Variants in SPOCK1 observed in about 807,000 individuals in gnomAD.
SPOCK1 encodes testican-1.
In SPOCK1, 23 loss-of-function variants were observed where a neutral mutation model predicts 55.3. That is an observed-to-expected ratio of 0.42 (90% CI 0.30 to 0.59). The LOEUF (loss-of-function observed/expected upper bound fraction) is 0.59. Among genes scored for constraint, SPOCK1 ranks in the 20% least tolerant of loss-of-function variants. The probability of loss-of-function intolerance (pLI) is 0.22; values close to 1 mark genes in which losing one functional copy is unlikely to be tolerated. For missense variants in SPOCK1, 499 were observed against 552.5 expected (o/e 0.90, Z 0.97); for synonymous variants, 226 against 221.0 (o/e 1.02, Z -0.20).
At chr5:137,132,685 A>G (rs191651477) in intron 4 of SPOCK1, among the ~76,000 whole-genome samples, 16 of 152,290 alleles carry the variant, frequency 1.1e-4, no homozygotes, top group Admixed American at 1.3e-4. Context: ...ACCATAAAAC[A>G]TTCTCCATCT....
chr5:137,171,743 G>A (rs917659305), intron 3 of SPOCK1, among the ~76,000 whole-genome samples: 1 of 152,262 alleles, frequency 6.6e-6, no homozygotes, highest in East Asian at 1.9e-4. Context: ...TGCAGAACTC[G>A]TTTCCTATGA....
At chr5:137,489,896 A>C (rs1164196586) in intron 2 of SPOCK1, among the ~76,000 whole-genome samples, 1 of 152,240 alleles carries the variant, frequency 6.6e-6, no homozygotes, top group African/African-American at 2.4e-5. Flanking sequence ...CCAGGGAAGC[A>C]GTCCCCAGCC....
At chr5:137,035,696 G>A (rs931629042) in intron 6 of SPOCK1, among the ~76,000 whole-genome samples, 3 of 152,184 alleles carry the variant, frequency 2.0e-5, no homozygotes, top group Non-Finnish European at 4.4e-5. Context: ...ATCATAGCCA[G>A]CCTTTGCTGG....
At chr5:137,019,580 A>T (rs1035299501) in intron 6 of SPOCK1, among the ~76,000 whole-genome samples, 1 of 152,126 alleles carries the variant, frequency 6.6e-6, no homozygotes, top group Non-Finnish European at 1.5e-5. Flanking sequence ...GGTAAACATC[A>T]TCGTTGTGCC....
intron 2 of SPOCK1, among the ~76,000 whole-genome samples, chr5:137,398,447 G>C (rs963993222): frequency 2.0e-5 from 3 of 152,050 alleles, no homozygotes; most frequent in African/African-American, 7.2e-5. Context: ...ATCTGGCCTT[G>C]GATCATTAAC....
At chr5:137,455,171 T>C (rs1195896559) in intron 2 of SPOCK1, among the ~76,000 whole-genome samples, 1 of 152,206 alleles carries the variant, frequency 6.6e-6, no homozygotes, top group Non-Finnish European at 1.5e-5. Context: ...ATGCACCCAT[T>C]TATCATTGGG....
chr5:137,383,464 G>A (rs1580896286), intron 2 of SPOCK1, among the ~76,000 whole-genome samples: 1 of 152,256 alleles, frequency 6.6e-6, no homozygotes, highest in Non-Finnish European at 1.5e-5. Context: ...CAGATTTGTG[G>A]GGAAACTTTA....
At chr5:137,136,698 A>G (rs1002701127) in intron 4 of SPOCK1, among the ~76,000 whole-genome samples, 1 of 152,172 alleles carries the variant, frequency 6.6e-6, no homozygotes, top group Non-Finnish European at 1.5e-5. Flanking sequence ...TAAATTAAAA[A>G]TTATTTTAAA....
intron 3 of SPOCK1, among the ~76,000 whole-genome samples, chr5:137,224,141 C>G (rs116306893): frequency 0.012 from 1,892 of 152,296 alleles, 48 homozygotes; most frequent in African/African-American, 0.042. Context: ...TTGTTAAGTT[C>G]AGTCTCCCTG....
intron 2 of SPOCK1, among the ~76,000 whole-genome samples, chr5:137,411,824 C>T (rs1244662204): frequency 1.3e-5 from 2 of 152,214 alleles, no homozygotes; most frequent in Non-Finnish European, 2.9e-5. Flanking sequence ...AAATACCAAA[C>T]TTTCACTTCA....
intron 3 of SPOCK1, among the ~76,000 whole-genome samples, chr5:137,249,305 T>C (rs1052580895): frequency 9.2e-5 from 14 of 152,210 alleles, no homozygotes; most frequent in African/African-American, 3.1e-4. Flanking sequence ...TTACAGCATA[T>C]TGAATGAACT....
chr5:137,462,546 G>T (rs1753511519), intron 2 of SPOCK1, among the ~76,000 whole-genome samples: 1 of 152,194 alleles, frequency 6.6e-6, no homozygotes, highest in African/African-American at 2.4e-5. Flanking sequence ...CTTCTCATCT[G>T]TATGACCCAG....
intron 2 of SPOCK1, among the ~76,000 whole-genome samples, chr5:137,284,083 T>C (rs958489112): frequency 7.2e-5 from 11 of 152,244 alleles, no homozygotes; most frequent in African/African-American, 2.2e-4. Context: ...GCAAGGATGA[T>C]GGTGGCCTCT....
chr5:137,008,705 A>G (rs955691292), intron 6 of SPOCK1, among the ~76,000 whole-genome samples: 3 of 152,198 alleles, frequency 2.0e-5, no homozygotes, highest in Non-Finnish European at 4.4e-5. Flanking sequence ...AGAAGATGCA[A>G]AGTACAACAA....
At chr5:137,346,599 T>C (rs1447939932) in intron 2 of SPOCK1, among the ~76,000 whole-genome samples, 1 of 152,208 alleles carries the variant, frequency 6.6e-6, no homozygotes, top group Non-Finnish European at 1.5e-5. Context: ...ATGCCTGAAC[T>C]GTAAAGCGCC....
At chr5:137,217,327 G>A (rs1294754045) in intron 3 of SPOCK1, among the ~76,000 whole-genome samples, 2 of 152,210 alleles carry the variant, frequency 1.3e-5, no homozygotes, top group Non-Finnish European at 2.9e-5. Context: ...AGGCCCCTGT[G>A]CTGGGCAGCA....
chr5:137,335,002 T>C (rs1275231040), intron 2 of SPOCK1, among the ~76,000 whole-genome samples: 1 of 152,164 alleles, frequency 6.6e-6, no homozygotes, highest in Non-Finnish European at 1.5e-5. Context: ...CTATGACATG[T>C]CCACAGACGG....
intron 6 of SPOCK1, among the ~76,000 whole-genome samples, chr5:136,997,227 C>A (rs1479795397): frequency 6.6e-6 from 1 of 152,160 alleles, no homozygotes; most frequent in Admixed American, 6.5e-5. Context: ...AAAATGGTAC[C>A]AGCAAATACT....
chr5:137,200,771 C>T (rs1180634049), intron 3 of SPOCK1, among the ~76,000 whole-genome samples: 8 of 152,042 alleles, frequency 5.3e-5, no homozygotes, highest in Non-Finnish European at 1.0e-4. Context: ...TAGTTTTAAG[C>T]CCCTCATGCA....
Sources: gnomAD v4.1 joint callset for allele counts (sites outside exome capture counted in the v4.1 genomes callset) on GRCh38, gnomAD v4.1.1 for gene constraint, MANE v1.5 for transcripts, NCBI Gene and HGNC (gene_info 2026-07-23, HGNC 2026-07-21) for gene names.